RANBP2: variants seen among roughly 807,000 people sequenced by gnomAD.
RANBP2 encodes RAN binding protein 2, also known as E3 SUMO-protein ligase RanBP2.
A neutral mutation model predicts 303.6 loss-of-function variants in RANBP2; 57 were observed. The ratio of observed to expected loss-of-function variants is 0.19; its 90% CI spans 0.15 to 0.23. The LOEUF (loss-of-function observed/expected upper bound fraction) is 0.23, where lower values mean the gene tolerates loss of function less well. Among genes scored for constraint, RANBP2 ranks in the 10% least tolerant of loss-of-function variants. RANBP2 has a pLI of 1.00. For missense variants in RANBP2, 3,138 were observed against 3,780.8 expected (o/e 0.83, Z 4.46); for synonymous variants, 1,167 against 1,301.5 (o/e 0.90, Z 2.23).
rs572363285 is a variant in RANBP2, at chr2:108,735,993, T to C, written c.637-111T>C. 8.7e-6 allele frequency: 14 copies of C among 1,604,882 alleles called. 1 individual carries two copies. The South Asian group carries it at 1.6e-4, about 18-fold the overall frequency. On this transcript the variant is annotated intron_variant, in intron 5 of 28. Transcript: ENST00000283195. ...TTTATAAGGTCGATATAAAAATCAATATAGTTTCACAAATGTGGTTGGAGT... is the reference window on the plus strand; with the variant it reads ...TTTATAAGGTCGATATAAAAATCAACATAGTTTCACAAATGTGGTTGGAGT...
the RANBP2 span, among the ~76,000 whole-genome samples, chr2:109,384,574 C>T: frequency 6.6e-6 from 1 of 152,116 alleles, no homozygotes; most frequent in African/African-American, 2.4e-5. Context: ...ACATTGGCAT[C>T]TGCTCTGCAT....
At chr2:108,981,178 A>G in the RANBP2 span, among the ~76,000 whole-genome samples, 54 of 152,186 alleles carry the variant, frequency 3.5e-4, no homozygotes, top group Non-Finnish European at 1.3e-4. Flanking sequence ...GACAGAAGTT[A>G]CCCAGCAATG....
the RANBP2 span, among the ~76,000 whole-genome samples, chr2:109,641,085 T>A: frequency 6.6e-6 from 1 of 152,140 alleles, no homozygotes; most frequent in Non-Finnish European, 1.5e-5. Flanking sequence ...ACCAAAATAA[T>A]TGAAAGCAGA....
the RANBP2 span, among the ~76,000 whole-genome samples, chr2:109,383,544 A>G: frequency 1.3e-5 from 2 of 152,166 alleles, no homozygotes; most frequent in African/African-American, 2.4e-5. Context: ...GATAGGGTGC[A>G]GGCTTCTGCG....
At chr2:109,390,781 C>T in the RANBP2 span, among the ~76,000 whole-genome samples, 1 of 152,150 alleles carries the variant, frequency 6.6e-6, no homozygotes, top group African/African-American at 2.4e-5. Flanking sequence ...CTCACAGGGG[C>T]GGTCGCTTCC....
At chr2:109,609,443 G>A in the RANBP2 span, among the ~76,000 whole-genome samples, 1 of 152,150 alleles carries the variant, frequency 6.6e-6, no homozygotes, top group Admixed American at 6.5e-5. Flanking sequence ...ACATAAATTA[G>A]GAGGTACTGC....
chr2:109,357,189 G>GTT, the RANBP2 span, among the ~76,000 whole-genome samples: 1 of 147,150 alleles, frequency 6.8e-6, no homozygotes, highest in African/African-American at 2.5e-5. Context: ...TTGTTTTTTG[G>GTT]TTTTTTTTTT....
the RANBP2 span, among the ~76,000 whole-genome samples, chr2:109,490,143 C>G: frequency 2.4e-4 from 37 of 152,356 alleles, no homozygotes; most frequent in African/African-American, 8.7e-4. Flanking sequence ...TCTCACCCTT[C>G]TACCCATCTT....
At chr2:109,130,349 C>T in the RANBP2 span, among the ~76,000 whole-genome samples, 5 of 152,228 alleles carry the variant, frequency 3.3e-5, no homozygotes, top group Non-Finnish European at 4.4e-5. Flanking sequence ...GCCTTCCTGT[C>T]CCGTCGCTCA....
the RANBP2 span, among the ~76,000 whole-genome samples, chr2:109,280,303 G>A: frequency 1.3e-5 from 2 of 152,214 alleles, no homozygotes; most frequent in Admixed American, 6.5e-5. Context: ...CATTTTACAT[G>A]CAAGGAAACT....
the RANBP2 span, among the ~76,000 whole-genome samples, chr2:109,004,569 C>T: frequency 1.3e-5 from 2 of 152,178 alleles, no homozygotes; most frequent in Non-Finnish European, 2.9e-5. Flanking sequence ...GTTGGGGGCA[C>T]AGGAGTGGGT....
the RANBP2 span, among the ~76,000 whole-genome samples, chr2:109,277,079 C>T: frequency 4.1e-3 from 628 of 152,270 alleles, 2 homozygotes; most frequent in African/African-American, 0.014. Flanking sequence ...TGAAGTCAGC[C>T]CCACGCCGGC....
At chr2:109,210,305 T>C in the RANBP2 span, among the ~76,000 whole-genome samples, 1 of 152,242 alleles carries the variant, frequency 6.6e-6, no homozygotes, top group Non-Finnish European at 1.5e-5. Flanking sequence ...CTTTGAGTTT[T>C]TTTGAGTATA....
chr2:109,547,908 A>C, the RANBP2 span, among the ~76,000 whole-genome samples: 2 of 152,318 alleles, frequency 1.3e-5, no homozygotes, highest in Non-Finnish European at 2.9e-5. Flanking sequence ...GTGCTCTGTT[A>C]CAGGTGCAAA....
the RANBP2 span, among the ~76,000 whole-genome samples, chr2:109,400,497 T>C: frequency 7.3e-5 from 11 of 150,962 alleles, no homozygotes; most frequent in African/African-American, 2.2e-4. Context: ...ACAGGTGCAT[T>C]TACACATACA....
chr2:108,981,783 G>A, the RANBP2 span, among the ~76,000 whole-genome samples: 1,232 of 152,314 alleles, frequency 8.1e-3, 5 homozygotes, highest in Non-Finnish European at 0.013. Context: ...TACCAGGAGG[G>A]AGGTCTCAGG....
the RANBP2 span, chr2:109,614,005 G>T: frequency 3.1e-5 from 37 of 1,187,492 alleles, no homozygotes; most frequent in African/African-American, 5.7e-4. Context: ...CGGGGGCGGG[G>T]TTGGGGCGGA....
At chr2:109,198,406 G>A in the RANBP2 span, among the ~76,000 whole-genome samples, 48 of 152,168 alleles carry the variant, frequency 3.2e-4, no homozygotes, top group African/African-American at 1.2e-3. Context: ...TGTGCGAGAG[G>A]TAGAGGGGCA....
chr2:109,701,908 T>G, the RANBP2 span, among the ~76,000 whole-genome samples: 1 of 152,242 alleles, frequency 6.6e-6, no homozygotes, highest in African/African-American at 2.4e-5. Flanking sequence ...CTGATTCTTT[T>G]GTCTCCTTAG....
Sources: allele counts gnomAD v4.1 joint callset (sites outside exome capture counted in the v4.1 genomes callset), GRCh38; gene constraint gnomAD v4.1.1; transcripts MANE v1.5; gene names NCBI Gene and HGNC (gene_info 2026-07-23, HGNC 2026-07-21).